ROBO2: variants seen among roughly 807,000 people sequenced by gnomAD.
The protein encoded by ROBO2 is roundabout guidance receptor 2.
Under a neutral mutation model 160.8 loss-of-function variants are expected in ROBO2, and 53 were observed. The ratio of observed to expected loss-of-function variants is 0.33; its 90% confidence interval spans 0.26 to 0.41. The LOEUF is 0.41. ROBO2 is among the 10% of genes least tolerant of loss of function. ROBO2 has a pLI of 1.00. For missense variants in ROBO2, 1,577 were observed against 1,722.4 expected (o/e 0.92, Z 1.49); for synonymous variants, 664 against 611.7 (o/e 1.09, Z -1.26).
intron 2 of ROBO2, among the ~76,000 whole-genome samples, chr3:77,150,994 A>G (rs912374369): frequency 6.6e-6 from 1 of 152,166 alleles, no homozygotes; most frequent in Non-Finnish European, 1.5e-5. Context: ...ATTGAGTTTT[A>G]TAGTATAGGG....
At chr3:76,820,481 A>G (rs2066026770) in intron 2 of ROBO2, among the ~76,000 whole-genome samples, 1 of 152,036 alleles carries the variant, frequency 6.6e-6, no homozygotes, top group Non-Finnish European at 1.5e-5. Flanking sequence ...TTAAGATTAT[A>G]TTTAATTTAT....
intron 2 of ROBO2, among the ~76,000 whole-genome samples, chr3:77,456,876 T>C (rs552783397): frequency 6.6e-6 from 1 of 152,290 alleles, no homozygotes; most frequent in African/African-American, 2.4e-5. Context: ...GGTCACAGTG[T>C]AGATATGGCA....
intron 2 of ROBO2, among the ~76,000 whole-genome samples, chr3:76,882,959 G>A (rs1250664871): frequency 1.3e-5 from 2 of 152,118 alleles, no homozygotes; most frequent in East Asian, 3.9e-4. Context: ...TTTGTTTTGT[G>A]TATGTTAGCG....
chr3:76,314,124 G>T (rs916757471), intron 2 of ROBO2, among the ~76,000 whole-genome samples: 25 of 152,082 alleles, frequency 1.6e-4, no homozygotes, highest in Admixed American at 1.4e-3. Context: ...TTTCCCTCAG[G>T]CATACACTTT....
intron 2 of ROBO2, among the ~76,000 whole-genome samples, chr3:77,335,289 C>T (rs1560562340): frequency 3.3e-5 from 5 of 152,084 alleles, no homozygotes; most frequent in Non-Finnish European, 2.9e-5. Context: ...TACTTGTAAT[C>T]CCAGCTACTC....
intron 2 of ROBO2, among the ~76,000 whole-genome samples, chr3:77,353,698 A>G (rs1236595977): frequency 6.6e-6 from 1 of 152,030 alleles, no homozygotes; most frequent in Non-Finnish European, 1.5e-5. Flanking sequence ...TTTAGTAGAG[A>G]TGGGGTTTCA....
chr3:76,096,463 C>A (rs1340926956), intron 2 of ROBO2, among the ~76,000 whole-genome samples: 2 of 152,074 alleles, frequency 1.3e-5, no homozygotes, highest in Admixed American at 1.3e-4. Context: ...ACCTCCAATT[C>A]AAAGGTAAGT....
chr3:76,302,249 A>G (rs1007982854), intron 2 of ROBO2, among the ~76,000 whole-genome samples: 1 of 152,044 alleles, frequency 6.6e-6, no homozygotes, highest in Non-Finnish European at 1.5e-5. Flanking sequence ...GCAGTTTTAC[A>G]TTTATTAAAT....
chr3:77,034,378 T>TA (rs200520468), intron 2 of ROBO2, among the ~76,000 whole-genome samples: 6,758 of 131,076 alleles, frequency 0.052, 411 homozygotes, highest in African/African-American at 0.15. Flanking sequence ...TATTCTTTGT[T>TA]AAAAAAAAAA....
rs1297208480 is a variant in ROBO2, at chr3:76,248,494, G to T, written c.109+310892G>T. ...TATCACACTCTGGGGACTGTGGTGG[G>T]GTCGGGGGAGGGGGGAGGGATAGCA... On this transcript the variant is annotated intron_variant, in intron 2 of 26. Coordinates refer to the ROBO2 transcript ENST00000487694. Among the ~76,000 whole-genome samples the T allele has an allele frequency of 2.1e-5, 3 of 145,512 alleles. No individual in the cohort carries two copies. The East Asian group carries it at 6.7e-4, about 32-fold the overall frequency.
chr3:76,540,383 T>C (rs1467574422), intron 2 of ROBO2, among the ~76,000 whole-genome samples: 1 of 152,224 alleles, frequency 6.6e-6, no homozygotes, highest in East Asian at 1.9e-4. Flanking sequence ...AATCCTTTTA[T>C]TTTTGTGAAC....
chr3:76,723,082 A>T (rs546190443), intron 2 of ROBO2, among the ~76,000 whole-genome samples: 1 of 152,310 alleles, frequency 6.6e-6, no homozygotes, highest in East Asian at 1.9e-4. Flanking sequence ...AGGTGAAAAT[A>T]TATAAATGTG....
intron 2 of ROBO2, among the ~76,000 whole-genome samples, chr3:76,854,018 T>TTCTCTCTCTCTCTC (rs573633101): frequency 2.6e-5 from 3 of 117,194 alleles, no homozygotes; most frequent in Non-Finnish European, 3.6e-5. Flanking sequence ...AGCATAGACT[T>TTCTCTCTCTCTCTC]TCTCTCTCTC....
At chr3:76,159,330 C>T (rs1050768721) in intron 2 of ROBO2, among the ~76,000 whole-genome samples, 31 of 152,134 alleles carry the variant, frequency 2.0e-4, no homozygotes, top group African/African-American at 7.5e-4. Context: ...CTTGACAATA[C>T]AAAGGACAGG....
chr3:76,703,766 A>G (rs906083591), intron 2 of ROBO2, among the ~76,000 whole-genome samples: 1 of 152,014 alleles, frequency 6.6e-6, no homozygotes, highest in Admixed American at 6.6e-5. Context: ...TCTATCATTG[A>G]TGGGTGTTTG....
rs185493355 is a variant in ROBO2, at chr3:76,216,503, T to G, written c.109+278901T>G. On this transcript the variant is annotated intron_variant, in intron 2 of 26. Coordinates refer to the ROBO2 transcript ENST00000487694. ...ATGGAAAACAGAAAAAGACATGGGT[T>G]GCAATCCTAGTCTCTGATAAAACAG... Among the ~76,000 whole-genome samples the G allele has an allele frequency of 3.3e-3, 495 of 152,236 alleles. 2 individuals carry two copies. The highest frequency in any genetic ancestry group is 0.011 in the African/African-American group (476 of 41,520).
intron 2 of ROBO2, among the ~76,000 whole-genome samples, chr3:77,325,515 C>A (rs1179641907): frequency 6.6e-6 from 1 of 152,190 alleles, no homozygotes; most frequent in Non-Finnish European, 1.5e-5. Context: ...GTAGCACTGA[C>A]ATTGACTGCT....
chr3:77,323,062 A>T (rs1229104632), intron 2 of ROBO2, among the ~76,000 whole-genome samples: 8 of 144,924 alleles, frequency 5.5e-5, no homozygotes, highest in Non-Finnish European at 1.0e-4. Flanking sequence ...AATATATTAT[A>T]TTATATTATG....
chr3:77,429,009 G>C (rs1581866916), intron 2 of ROBO2, among the ~76,000 whole-genome samples: 3 of 152,138 alleles, frequency 2.0e-5, no homozygotes, highest in African/African-American at 7.2e-5. Context: ...AATAGTTAGT[G>C]CTACTCTAAA....
Sources: allele counts gnomAD v4.1 joint callset (sites outside exome capture counted in the v4.1 genomes callset), GRCh38; gene constraint gnomAD v4.1.1; transcripts MANE v1.5; gene names NCBI Gene and HGNC (gene_info 2026-07-23, HGNC 2026-07-21).